MDFIC2: variants seen among roughly 807,000 people sequenced by gnomAD.
The protein encoded by MDFIC2 is myoD family inhibitor domain-containing protein 2.
At chr3:70,306,703 T>C (rs1256889708) in intron 2 of MDFIC2, among the ~76,000 whole-genome samples, 1 of 152,140 alleles carries the variant, frequency 6.6e-6, no homozygotes, top group African/African-American at 2.4e-5. Context: ...CTTTGGTGCA[T>C]TAAAGGTACA....
intron 2 of MDFIC2, among the ~76,000 whole-genome samples, chr3:70,218,827 C>T (rs78351365): frequency 2.6e-5 from 4 of 152,248 alleles, no homozygotes; most frequent in East Asian, 3.9e-4. Context: ...GAAAGACCTA[C>T]AGTTTGCTCT....
At chr3:70,265,076 A>C (rs1701903649) in intron 2 of MDFIC2, among the ~76,000 whole-genome samples, 1 of 152,134 alleles carries the variant, frequency 6.6e-6, no homozygotes, top group African/African-American at 2.4e-5. Flanking sequence ...CAGCGCAGGA[A>C]AGACCTGCCC....
chr3:70,272,452 C>T (rs145847063), intron 2 of MDFIC2: 9 of 152,344 alleles, frequency 5.9e-5, no homozygotes, highest in African/African-American at 2.2e-4. Flanking sequence ...ATTTGCAATG[C>T]TGGGGCATAA....
At chr3:70,264,367 A>G (rs1701896045) in intron 2 of MDFIC2, among the ~76,000 whole-genome samples, 1 of 152,136 alleles carries the variant, frequency 6.6e-6, no homozygotes, top group Admixed American at 6.5e-5. Flanking sequence ...GTCTTCTAAG[A>G]GTGGATTTAT....
At chr3:70,204,386 T>C (rs1378204202) in intron 3 of MDFIC2, 1 of 152,162 alleles carries the variant, frequency 6.6e-6, no homozygotes, top group Non-Finnish European at 1.5e-5. Flanking sequence ...CTGACTTAAC[T>C]CTTGTTTTCC....
At chr3:70,285,747 A>T (rs1702155300) in intron 2 of MDFIC2, among the ~76,000 whole-genome samples, 1 of 151,768 alleles carries the variant, frequency 6.6e-6, no homozygotes, top group Admixed American at 6.6e-5. Context: ...AATGATTGCC[A>T]TTCTAACTGG....
chr3:70,297,369 C>T (rs1702301048), intron 2 of MDFIC2, among the ~76,000 whole-genome samples: 1 of 151,990 alleles, frequency 6.6e-6, no homozygotes, highest in Non-Finnish European at 1.5e-5. Flanking sequence ...AACTGGATAT[C>T]TTGGTGGAGA....
rs538396550 is a variant in MDFIC2, at chr3:70,261,630, A to C, written c.88+50256T>G. Among the ~76,000 whole-genome samples, 7 of 152,264 alleles carry C rather than the reference A, an allele frequency of 4.6e-5. No homozygotes were observed. The South Asian group carries it at 1.2e-3, about 27-fold the overall frequency. On this transcript the variant is annotated intron_variant, in intron 2 of 3. Coordinates refer to ENST00000567252, the MANE Select transcript of MDFIC2 (RefSeq NM_001364677.1). ...TGAATGGGCTTTCTTCACTTTCAAC[A>C]ATTTCTACCATAAGTGCAGGACCAG...
rs140194274 is a variant in MDFIC2, at chr3:70,260,931, T to C, written c.88+50955A>G. On this transcript the variant is annotated intron_variant, in intron 2 of 3. Coordinates refer to ENST00000567252, the MANE Select transcript of MDFIC2 (RefSeq NM_001364677.1). ...ATATACTTCTAGCTGATGGAGAAAC[T>C]GAGTCCAGGGAAGATAAGTGATTTT... 9.2e-5 allele frequency among the ~76,000 whole-genome samples: 14 copies of C among 152,260 alleles called. No individual in the cohort carries two copies. The East Asian group carries it at 2.5e-3, about 27-fold the overall frequency.
chr3:70,265,190 G>C (rs1701904872), intron 2 of MDFIC2, among the ~76,000 whole-genome samples: 1 of 152,158 alleles, frequency 6.6e-6, no homozygotes, highest in African/African-American at 2.4e-5. Flanking sequence ...ATATCAGGGG[G>C]AGAATGTAAA....
chr3:70,300,179 T>A (rs888348266), intron 2 of MDFIC2, among the ~76,000 whole-genome samples: 4 of 152,136 alleles, frequency 2.6e-5, no homozygotes, highest in Non-Finnish European at 4.4e-5. Context: ...TTTTAGCATC[T>A]GCTTTACTTC....
At chr3:70,282,192 A>T (rs1439869834) in intron 2 of MDFIC2, among the ~76,000 whole-genome samples, 1 of 151,840 alleles carries the variant, frequency 6.6e-6, no homozygotes, top group East Asian at 1.9e-4. Context: ...TAATCAAAAA[A>T]CCCTTCTTTC....
At position 70,286,198 on chromosome 3, in the gene MDFIC2, A is replaced by C. The variant is rs1349112087; in HGVS notation, c.88+25688T>G. Among the ~76,000 whole-genome samples, 3 of 152,086 alleles carry C rather than the reference A, an allele frequency of 2.0e-5. No homozygotes were observed. In the South Asian group the frequency reaches 6.2e-4, roughly 32 times the overall value. ...AGGCTTTTTATGGTTTTAGGTCTAA[A>C]GTTTAAGTCTTACATCCATCTTGAA... On this transcript the variant is annotated intron_variant, in intron 2 of 3. Transcript: ENST00000567252.
chr3:70,291,354 T>A (rs1416302677), intron 2 of MDFIC2: 4 of 152,136 alleles, frequency 2.6e-5, no homozygotes, highest in Non-Finnish European at 5.9e-5. Context: ...CATAACTCTT[T>A]AGAACAGTGT....
At chr3:70,209,600 T>C (rs1701323614) in intron 2 of MDFIC2, among the ~76,000 whole-genome samples, 1 of 152,122 alleles carries the variant, frequency 6.6e-6, no homozygotes, top group South Asian at 2.1e-4. Context: ...CAAGGCCTCC[T>C]CCTTATTCAG....
intron 2 of MDFIC2, among the ~76,000 whole-genome samples, chr3:70,303,702 G>T (rs1702372506): frequency 6.6e-6 from 1 of 151,940 alleles, no homozygotes; most frequent in African/African-American, 2.4e-5. Context: ...ATTTTTCTGA[G>T]GTGGAGTCTT....
chr3:70,292,387 A>G (rs1702247178), intron 2 of MDFIC2, among the ~76,000 whole-genome samples: 1 of 152,176 alleles, frequency 6.6e-6, no homozygotes, highest in Non-Finnish European at 1.5e-5. Context: ...TAAATCCACT[A>G]TGCCTGACAC....
At position 70,287,043 on chromosome 3, in the gene MDFIC2, C is replaced by A. The variant is rs1408632030; in HGVS notation, c.88+24843G>T. 4.1e-5 allele frequency among the ~76,000 whole-genome samples: 6 copies of A among 146,736 alleles called. No individual in the cohort carries two copies. In the South Asian group the frequency reaches 1.1e-3, roughly 28 times the overall value. On this transcript the variant is annotated intron_variant, in intron 2 of 3. Transcript: ENST00000567252. ...CTTCCTCTTTTCCTAATTGAATACC[C>A]TTTATTTCCTTCTCCTGCCTAATTG...
At chr3:70,300,056 A>G (rs1702332786) in intron 2 of MDFIC2, among the ~76,000 whole-genome samples, 1 of 152,100 alleles carries the variant, frequency 6.6e-6, no homozygotes, top group African/African-American at 2.4e-5. Context: ...AACACTACCC[A>G]TGATTTATAG....
Sources: allele counts gnomAD v4.1 joint callset (sites outside exome capture counted in the v4.1 genomes callset), GRCh38; gene constraint gnomAD v4.1.1; transcripts MANE v1.5; gene names NCBI Gene and HGNC (gene_info 2026-07-23, HGNC 2026-07-21).